The following SCN11A variants were observed in gnomAD, a reference collection of about 807,000 sequenced individuals.
The protein encoded by SCN11A is sodium channel protein type 11 subunit alpha.
A neutral mutation model predicts 162.2 loss-of-function variants in SCN11A; 122 were observed. That is an observed-to-expected ratio of 0.75 (90% CI 0.65 to 0.87). SCN11A has a LOEUF of 0.87. Among genes scored for constraint, SCN11A ranks in the 40% least tolerant of loss-of-function variants. The pLI is 0.00. For missense variants in SCN11A, 2,015 were observed against 2,181.6 expected (o/e 0.92, Z 1.52); for synonymous variants, 758 against 751.5 (o/e 1.01, Z -0.14).
intron 2 of SCN11A, among the ~76,000 whole-genome samples, chr3:38,986,002 C>A (rs1200263117): frequency 6.6e-6 from 1 of 151,072 alleles, no homozygotes; most frequent in African/African-American, 2.5e-5. Flanking sequence ...TGCCATTTCT[C>A]CCTACCGGGA....
chr3:38,937,041 A>G (rs1055713738), intron 7 of SCN11A, among the ~76,000 whole-genome samples: 32 of 152,208 alleles, frequency 2.1e-4, no homozygotes, highest in South Asian at 8.3e-4. Context: ...TCAATGGAAC[A>G]GAACAGAGCC....
intron 2 of SCN11A, among the ~76,000 whole-genome samples, chr3:38,990,517 A>G (rs2030418882): frequency 6.6e-6 from 1 of 152,210 alleles, no homozygotes; most frequent in African/African-American, 2.4e-5. Context: ...ATTAGCATTA[A>G]AAGAGGTAAA....
intron 7 of SCN11A, among the ~76,000 whole-genome samples, chr3:38,934,434 T>C (rs1159630397): frequency 6.6e-6 from 1 of 152,130 alleles, no homozygotes; most frequent in Non-Finnish European, 1.5e-5. Flanking sequence ...ACTGGCAAAT[T>C]GGATAAAGAG....
intron 2 of SCN11A, among the ~76,000 whole-genome samples, chr3:38,990,578 T>C (rs1291873991): frequency 6.6e-6 from 1 of 152,134 alleles, no homozygotes; most frequent in Non-Finnish European, 1.5e-5. Context: ...AATGGTTTCC[T>C]ACTAGGAAGG....
At chr3:38,912,560 A>C (rs774545403) in intron 11 of SCN11A, among the ~76,000 whole-genome samples, 2 of 152,096 alleles carry the variant, frequency 1.3e-5, no homozygotes, top group Non-Finnish European at 2.9e-5. Context: ...CTTGTTGTAC[A>C]GATTATTTCA....
intron 2 of SCN11A, among the ~76,000 whole-genome samples, chr3:38,978,763 G>T (rs1191192770): frequency 6.6e-6 from 1 of 152,186 alleles, no homozygotes; most frequent in Non-Finnish European, 1.5e-5. Flanking sequence ...GCTCCCTAAT[G>T]TGGTTTGTGG....
At position 38,868,955 on chromosome 3, in the gene SCN11A, G is replaced by C. The variant is rs2065082974; in HGVS notation, c.3814-1497C>G. ...TGTTGGGCCTTGCAGCAAGGGATGGGAGTAGACTGCCAGGGACCATGGGGA... is the reference window on the plus strand; with the variant it reads ...TGTTGGGCCTTGCAGCAAGGGATGGCAGTAGACTGCCAGGGACCATGGGGA... On this transcript the variant is annotated intron_variant, in intron 26 of 29. Transcript: ENST00000302328. Among the ~76,000 whole-genome samples the C allele has an allele frequency of 2.6e-5, 4 of 152,170 alleles. No individual in the cohort carries two copies. In the South Asian group the frequency reaches 8.3e-4, roughly 32 times the overall value.
In SCN11A at chr3:38,894,462, G is replaced by A. The variant is rs2065552280; in HGVS notation, c.2835+71C>T. The A allele has an allele frequency of 3.2e-6, 4 of 1,265,894 alleles. No homozygotes were observed. The South Asian group carries it at 5.7e-5, about 18-fold the overall frequency. The allele number at this position is 1,265,894 out of a possible 1,614,324, so 78.4% of individuals were successfully genotyped here. ...TATCCTTGCATAGTGCCTAGAAAAGGGCAGGCTACCAGTGCCCTGTGATAA... is the reference window on the plus strand; with the variant it reads ...TATCCTTGCATAGTGCCTAGAAAAGAGCAGGCTACCAGTGCCCTGTGATAA... On this transcript the variant is annotated intron_variant, in intron 19 of 29. Transcript: ENST00000302328.
chr3:38,850,707 G>A lies in SCN11A; in HGVS notation c.4101C>T (p.Ile1367=). The part of the protein sequence containing the change: ...GLVFDIVTSQ[I]FDIIIISLII... ...TGAGACTTATGATGATGATGTCAAA[G>A]ATCTGGCTTGTGACTATGTCGAACA... is the stretch of plus-strand genomic sequence containing the variant. The change falls in exon 29 of 30, where the codon ATC becomes ATT. Residue 1367 remains isoleucine (I), a synonymous_variant. Transcript: ENST00000302328. 6.2e-7 allele frequency: 1 copy of A among 1,613,242 alleles called. No homozygotes were observed. Among genetic ancestry groups the A allele is most frequent in the Non-Finnish European group, 8.5e-7 (1 of 1,179,434 alleles).
intron 1 of SCN11A, among the ~76,000 whole-genome samples, chr3:39,051,132 T>TA (rs990204745): frequency 1.3e-5 from 2 of 151,968 alleles, no homozygotes; most frequent in African/African-American, 4.8e-5. Flanking sequence ...TTTTTTTTTT[T>TA]AAACTTTTAA....
At chr3:38,862,697 C>A (rs1466191070) in intron 28 of SCN11A, among the ~76,000 whole-genome samples, 1 of 151,932 alleles carries the variant, frequency 6.6e-6, no homozygotes, top group Non-Finnish European at 1.5e-5. Flanking sequence ...GCTGTGAGGA[C>A]ATAAAGGCAT....
At chr3:38,917,773 A>T (rs564246875) in intron 11 of SCN11A, among the ~76,000 whole-genome samples, 1 of 152,208 alleles carries the variant, frequency 6.6e-6, no homozygotes, top group Non-Finnish European at 1.5e-5. Flanking sequence ...TATATAACAA[A>T]CCTGCATATG....
chr3:38,903,957 T>C lies in SCN11A; in HGVS notation c.1750A>G (p.Thr584Ala). 6.2e-7 allele frequency: 1 copy of C among 1,614,092 alleles called. No individual in the cohort carries two copies. The highest frequency in any genetic ancestry group is 1.1e-5 in the South Asian group (1 of 91,068). The change falls in exon 16 of 30, where the codon ACC becomes GCC. Residue 584 changes from threonine to alanine, a missense_variant. Thr to Ala is a moderately conservative substitution (Grantham distance 58, BLOSUM62 0). Coordinates refer to ENST00000302328, the MANE Select transcript of SCN11A (RefSeq NM_001349253.2). ...ACAGTGTTGATGATGATGCAGATGG[T>C]GATGGCCAGCTCAGTAAACGGGTCA... is the stretch of plus-strand genomic sequence containing the variant. ...MTDPFTELAI[T>A]ICIIINTVFL...
At chr3:38,967,806 C>T (rs1171287115) in intron 2 of SCN11A, among the ~76,000 whole-genome samples, 2 of 152,226 alleles carry the variant, frequency 1.3e-5, no homozygotes, top group African/African-American at 2.4e-5. Flanking sequence ...AAGGGCTACT[C>T]ACACATGTCA....
rs546724544 is a variant in SCN11A at position 38,991,704 on chromosome 3, C to T, written c.-279-31281G>A. 6.1e-4 allele frequency among the ~76,000 whole-genome samples: 93 copies of T among 152,322 alleles called. 2 individuals carry two copies. The South Asian group carries it at 0.019, about 31-fold the overall frequency. On this transcript the variant is annotated intron_variant, in intron 2 of 29. Transcript: ENST00000302328. ...AAATGTCATTTACATGGCACCTATG[C>T]TGTTGTTTTTCTTATAACTGGCCTG...
intron 2 of SCN11A, among the ~76,000 whole-genome samples, chr3:38,996,640 C>T (rs969551099): frequency 6.6e-6 from 1 of 152,180 alleles, no homozygotes; most frequent in Non-Finnish European, 1.5e-5. Flanking sequence ...AGATAATGTT[C>T]CCATAATACT....
At chr3:38,878,196 C>A in intron 23 of SCN11A, among the ~76,000 whole-genome samples, 1 of 97,744 alleles carries the variant, frequency 1.0e-5, no homozygotes, top group Non-Finnish European at 2.2e-5. Context: ...ATAAATAAAC[C>A]CACCCATCTC....
At chr3:38,942,800 A>G (rs1418645800) in intron 7 of SCN11A, among the ~76,000 whole-genome samples, 1 of 152,170 alleles carries the variant, frequency 6.6e-6, no homozygotes, top group African/African-American at 2.4e-5. Flanking sequence ...GAAAAAGAAG[A>G]GCAAATTAAA....
rs1440715997 is a variant in SCN11A at position 38,885,405 on chromosome 3, G to A, written c.2950-3C>T. The A allele has an allele frequency of 6.5e-7, 1 of 1,550,270 alleles. No individual in the cohort carries two copies. The highest frequency in any genetic ancestry group is 1.4e-5 in the African/African-American group (1 of 73,644). ...AGTATACTGGTAACATCAGACTTCT[G>A]CACATCAGAACAAAACGAAGGGGGT... is the stretch of plus-strand genomic sequence containing the variant. On this transcript the variant is annotated splice_polypyrimidine_tract_variant and splice_region_variant and intron_variant, in intron 20 of 29. Transcript: ENST00000302328.
Sources: gnomAD v4.1 joint callset for allele counts (sites outside exome capture counted in the v4.1 genomes callset) on GRCh38, gnomAD v4.1.1 for gene constraint, MANE v1.5 for transcripts, NCBI Gene and HGNC (gene_info 2026-07-23, HGNC 2026-07-21) for gene names.